Variants in ULK4 observed in about 807,000 individuals in gnomAD.
ULK4 encodes the protein unc-51 like kinase 4.
A neutral mutation model predicts 160.6 loss-of-function variants in ULK4; 133 were observed. That is an observed-to-expected ratio of 0.83 (90% CI 0.72 to 0.96). The LOEUF is 0.96. Ranked by LOEUF, ULK4 falls within the 40% of genes least tolerant of loss-of-function variation. The pLI, the probability that ULK4 is intolerant of heterozygous loss-of-function variation, is 0.00. For missense variants in ULK4, 1,580 were observed against 1,499.5 expected (o/e 1.05, Z -0.89); for synonymous variants, 534 against 539.8 (o/e 0.99, Z 0.15).
At chr3:41,572,131 C>A (rs977890522) in intron 31 of ULK4, among the ~76,000 whole-genome samples, 2 of 152,176 alleles carry the variant, frequency 1.3e-5, no homozygotes, top group South Asian at 2.1e-4. Flanking sequence ...GTGTAACTTG[C>A]CAAACTCTTC....
intron 30 of ULK4, among the ~76,000 whole-genome samples, chr3:41,650,817 T>C (rs1332404092): frequency 6.6e-6 from 1 of 152,186 alleles, no homozygotes; most frequent in Non-Finnish European, 1.5e-5. Flanking sequence ...CCAACAATAT[T>C]TTATTTATAA....
chr3:41,771,727 C>G (rs2039386900), intron 21 of ULK4, among the ~76,000 whole-genome samples: 1 of 152,098 alleles, frequency 6.6e-6, no homozygotes, highest in South Asian at 2.1e-4. Context: ...CCCCAGAGAT[C>G]CTCGAAAAAT....
At chr3:41,955,283 C>G (rs1402214177) in intron 1 of ULK4, among the ~76,000 whole-genome samples, 1 of 152,198 alleles carries the variant, frequency 6.6e-6, no homozygotes, top group Non-Finnish European at 1.5e-5. Context: ...AGGAGAGACT[C>G]CAACTCAAAA....
At chr3:41,323,437 CA>C (rs1379987193) in intron 35 of ULK4, among the ~76,000 whole-genome samples, 3 of 149,076 alleles carry the variant, frequency 2.0e-5, no homozygotes, top group East Asian at 2.0e-4. Flanking sequence ...CACACACACA[CA>C]CCAAAAACCA....
intron 35 of ULK4, among the ~76,000 whole-genome samples, chr3:41,319,866 G>C (rs1278746901): frequency 6.6e-6 from 1 of 152,140 alleles, no homozygotes; most frequent in Admixed American, 6.5e-5. Context: ...TTAATAAATG[G>C]AGAGCCCAAG....
chr3:41,351,689 C>T (rs1358347399), intron 35 of ULK4, among the ~76,000 whole-genome samples: 1 of 152,128 alleles, frequency 6.6e-6, no homozygotes, highest in Non-Finnish European at 1.5e-5. Flanking sequence ...TCTGCCTTTC[C>T]AAATGGAGCC....
At chr3:41,679,941 T>C (rs2035866459) in intron 29 of ULK4, among the ~76,000 whole-genome samples, 1 of 152,194 alleles carries the variant, frequency 6.6e-6, no homozygotes, top group Non-Finnish European at 1.5e-5. Flanking sequence ...CTCAAACCCC[T>C]GAGCTCAGAC....
chr3:41,879,414 C>A (rs1187020606), intron 17 of ULK4, among the ~76,000 whole-genome samples: 1 of 152,036 alleles, frequency 6.6e-6, no homozygotes, highest in African/African-American at 2.4e-5. Flanking sequence ...ACAAGATTAG[C>A]CAGTGTTGAT....
chr3:41,715,345 T>G, intron 24 of ULK4, 52 bp from the exon 25 acceptor site: 1 of 1,611,154 alleles, frequency 6.2e-7, no homozygotes, highest in Non-Finnish European at 8.5e-7. Context: ...TGTACAACGT[T>G]AGCTCAATAA....
At chr3:41,884,522 C>G (rs546824409) in intron 16 of ULK4, among the ~76,000 whole-genome samples, 9 of 152,260 alleles carry the variant, frequency 5.9e-5, no homozygotes, top group African/African-American at 1.9e-4. Flanking sequence ...AAATGACATT[C>G]AATGTGATTT....
At chr3:41,415,163 T>C (rs1252973036) in intron 34 of ULK4, among the ~76,000 whole-genome samples, 1 of 152,126 alleles carries the variant, frequency 6.6e-6, no homozygotes, top group Non-Finnish European at 1.5e-5. Flanking sequence ...AAAGTCAAAA[T>C]AGGAGATTTA....
chr3:41,895,476 A>AT (rs1553683019), intron 16 of ULK4, 42 bp downstream of exon 16: 1 of 1,104,412 alleles, frequency 9.1e-7, no homozygotes, highest in Non-Finnish European at 1.3e-6. Context: ...ACTACTTAAT[A>AT]AAGTCATGAA....
rs536731133 is a variant in ULK4, at chr3:41,698,426, T to A, written c.2781+6631A>T. Among the ~76,000 whole-genome samples the A allele has an allele frequency of 2.0e-5, 3 of 152,298 alleles. No homozygotes were observed. The East Asian group carries it at 5.8e-4, about 29-fold the overall frequency. On this transcript the variant is annotated intron_variant, in intron 27 of 36. Transcript: ENST00000301831. ...ATAGGATCTCGCCACCATGCCCAGC[T>A]TGAAACTTTTTGAGCACCAACATGA...
chr3:41,874,869 T>TA (rs2125695978), intron 17 of ULK4, among the ~76,000 whole-genome samples: 2 of 152,270 alleles, frequency 1.3e-5, no homozygotes, highest in African/African-American at 4.8e-5. Flanking sequence ...AAATATATAT[T>TA]AAAAACATAT....
intron 22 of ULK4, 143 bp from the exon 23 acceptor site, chr3:41,718,004 C>A: frequency 3.3e-6 from 3 of 922,072 alleles, no homozygotes; most frequent in Non-Finnish European, 4.6e-6. Flanking sequence ...TTGTCGGGCA[C>A]AATTTTTGCC....
chr3:41,730,384 T>A (rs1271971141), intron 22 of ULK4, among the ~76,000 whole-genome samples: 1 of 151,872 alleles, frequency 6.6e-6, no homozygotes, highest in Non-Finnish European at 1.5e-5. Context: ...AACCTTTAGG[T>A]AGACTAAGAA....
At chr3:41,304,605 T>G (rs2079868011) in intron 35 of ULK4, among the ~76,000 whole-genome samples, 2 of 152,070 alleles carry the variant, frequency 1.3e-5, no homozygotes, top group Admixed American at 6.5e-5. Flanking sequence ...GCTGGAAAAC[T>G]TGAAGCTAAG....
At chr3:41,480,287 T>C (rs894644757) in intron 32 of ULK4, among the ~76,000 whole-genome samples, 3 of 152,004 alleles carry the variant, frequency 2.0e-5, no homozygotes, top group Non-Finnish European at 2.9e-5. Flanking sequence ...ATGTATTATA[T>C]GTAAGTTTGC....
chr3:41,673,246 A>T (rs1485921945), intron 29 of ULK4, among the ~76,000 whole-genome samples: 1 of 152,136 alleles, frequency 6.6e-6, no homozygotes, highest in Non-Finnish European at 1.5e-5. Context: ...ACCTATTTTA[A>T]CATAGAATGC....
Sources: allele counts gnomAD v4.1 joint callset (sites outside exome capture counted in the v4.1 genomes callset), GRCh38; gene constraint gnomAD v4.1.1; transcripts MANE v1.5; gene names NCBI Gene and HGNC (gene_info 2026-07-23, HGNC 2026-07-21).